The following BUD23 variants were observed in gnomAD, a reference collection of about 807,000 sequenced individuals.
The protein encoded by BUD23 is 18S rRNA (guanine-N(7))-methyltransferase.
Under a neutral mutation model 47.0 loss-of-function variants are expected in BUD23, and 34 were observed. That is an observed-to-expected ratio of 0.72 (90% CI 0.55 to 0.96). BUD23 has a LOEUF of 0.96. Among genes scored for constraint, BUD23 ranks in the 40% least tolerant of loss-of-function variants. The pLI is 0.00. For synonymous variants in BUD23, 124 were observed against 132.0 expected (o/e 0.94, Z 0.41); for missense variants, 343 against 361.2 (o/e 0.95, Z 0.41).
chr7:73,684,655 T>C (rs1797876508), intron 2 of BUD23, among the ~76,000 whole-genome samples: 1 of 147,044 alleles, frequency 6.8e-6, no homozygotes, highest in South Asian at 2.1e-4. Flanking sequence ...TGGCGCGGTG[T>C]CTCACGCCTG....
intron 2 of BUD23, among the ~76,000 whole-genome samples, chr7:73,685,165 G>A (rs782018923): frequency 1.3e-4 from 19 of 151,316 alleles, no homozygotes; most frequent in Non-Finnish European, 2.4e-4. Flanking sequence ...GATATTAGCC[G>A]GGCCTACGGG....
intron 5 of BUD23, among the ~76,000 whole-genome samples, chr7:73,688,217 G>C (rs547020069): frequency 3.9e-5 from 6 of 152,038 alleles, no homozygotes; most frequent in African/African-American, 1.4e-4. Context: ...ACATGGTGGT[G>C]GCCACCTGTA....
chr7:73,693,875 G>A (rs2293488), intron 9 of BUD23, 117 bp from the exon 10 acceptor site: 444,101 of 1,398,074 alleles, frequency 0.32, 74,336 homozygotes, highest in Non-Finnish European at 0.34. Flanking sequence ...GTTCCTTCTC[G>A]TGGGACTGGA....
intron 10 of BUD23, 146 bp from the exon 11 acceptor site, chr7:73,697,459 G>A (rs1554615024): frequency 1.3e-6 from 2 of 1,542,912 alleles, no homozygotes; most frequent in African/African-American, 2.7e-5. Context: ...GGGGAATTGT[G>A]TTATAGGGAA....
At position 73,686,641 on chromosome 7, in the gene BUD23, G is replaced by A. The variant is rs1554613020; in HGVS notation, c.92G>A (p.Arg31Gln). The A allele has an allele frequency of 2.5e-6, 4 of 1,614,054 alleles. No individual in the cohort carries two copies. The highest frequency in any genetic ancestry group is 1.7e-5 in the Admixed American group (1 of 60,014). ...TTGTGTTTCTGCCTTACCAGCTCAC[G>A]GATGATTGATATCCAGACCAGGATG... is the stretch of plus-strand genomic sequence containing the variant. Reference protein sequence around the residue: ...TEARKYVRNSRMIDIQTRMAG... With the variant: ...TEARKYVRNSQMIDIQTRMAG... The change falls in exon 3 of 12, where the codon CGG (arginine) becomes CAG (glutamine). Residue 31 changes from arginine (R) to glutamine (Q), a missense_variant. Arg to Gln is a conservative substitution (Grantham distance 43). Coordinates refer to ENST00000265758, the MANE Select transcript of BUD23 (RefSeq NM_017528.5).
At chr7:73,693,785 G>A (rs1584226122) in intron 9 of BUD23, 116 bp downstream of exon 9, 1 of 1,456,988 alleles carries the variant, frequency 6.9e-7, no homozygotes, top group Non-Finnish European at 9.6e-7. Context: ...CAGCCCCAGA[G>A]TGCAGACCCT....
At chr7:73,694,955 A>T (rs1451469348) in intron 10 of BUD23, 1 of 152,214 alleles carries the variant, frequency 6.6e-6, no homozygotes, top group Non-Finnish European at 1.5e-5. Flanking sequence ...CTCAGTGTCT[A>T]TACCTGGAGT....
intron 10 of BUD23, chr7:73,697,117 G>C (rs368699625): frequency 3.4e-5 from 11 of 325,206 alleles, no homozygotes; most frequent in South Asian, 2.6e-4. Flanking sequence ...AGGGGTCTTC[G>C]GGGTTACCCC....
At chr7:73,685,436 G>T (rs890731383) in intron 2 of BUD23, among the ~76,000 whole-genome samples, 1 of 152,210 alleles carries the variant, frequency 6.6e-6, no homozygotes, top group Non-Finnish European at 1.5e-5. Flanking sequence ...CCACCACACC[G>T]GCTGAAATAG....
intron 5 of BUD23, 107 bp downstream of exon 5, chr7:73,687,202 C>A (rs1798008652): frequency 1.7e-6 from 2 of 1,195,386 alleles, no homozygotes; most frequent in African/African-American, 1.5e-5. Flanking sequence ...GCAGCCTCCA[C>A]CTCCTGGGTT....
At position 73,698,062 on chromosome 7, in the gene BUD23, G is replaced by A. The variant is rs1410660692; in HGVS notation, c.*176G>A. The A allele has an allele frequency of 2.0e-6, 1 of 497,636 alleles. No individual in the cohort carries two copies. Among genetic ancestry groups the A allele is most frequent in the African/African-American group, 2.0e-5 (1 of 49,788 alleles). The allele number at this position is 497,636 out of a possible 1,614,324, so 30.8% of individuals were successfully genotyped here. ...TGTAATCCCAGCACCTTGGGAGGCT[G>A]AGGTGGGAGGATCATTTGAGGCCAG... is the stretch of plus-strand genomic sequence containing the variant. On this transcript the variant is annotated 3_prime_UTR_variant, in exon 12 of 12. Transcript: ENST00000265758.
intron 9 of BUD23, 43 bp from the exon 10 acceptor site, chr7:73,693,949 G>C (rs1230489126): frequency 1.2e-6 from 2 of 1,609,260 alleles, no homozygotes; most frequent in African/African-American, 1.3e-5. Flanking sequence ...CAGATGGTTT[G>C]AGAACTCTCC....
intron 5 of BUD23, among the ~76,000 whole-genome samples, chr7:73,690,024 T>C (rs1324242401): frequency 6.6e-6 from 1 of 152,038 alleles, no homozygotes; most frequent in African/African-American, 2.4e-5. Flanking sequence ...TTATTTATTT[T>C]TTGAGATGGA....
chr7:73,685,423 T>G (rs945547328), intron 2 of BUD23, among the ~76,000 whole-genome samples: 2 of 152,232 alleles, frequency 1.3e-5, no homozygotes, highest in South Asian at 4.1e-4. Flanking sequence ...CTAGAGGCAC[T>G]CGCCACCACA....
intron 6 of BUD23, among the ~76,000 whole-genome samples, chr7:73,691,639 G>T (rs782802598): frequency 3.9e-5 from 6 of 152,096 alleles, no homozygotes; most frequent in Non-Finnish European, 7.4e-5. Context: ...TTGCTTTGTT[G>T]CCTGGGATGG....
At position 73,683,639 on chromosome 7, in the gene BUD23, G is replaced by C; in HGVS notation, c.14G>C (p.Gly5Ala). The change falls in exon 1 of 12, where the codon GGC becomes GCC. Residue 5 changes from glycine (G) to alanine (A), a missense_variant. Transcript: ENST00000265758. MASR[G>A]RRPEHGGPPE... ...TGAGGCGTGAGAATGGCGTCCCGCG[G>C]CCGGCGTCCGGAGCATGGCGGACCC... The C allele has an allele frequency of 6.2e-7, 1 of 1,611,630 alleles. No homozygotes were observed. Among genetic ancestry groups the C allele is most frequent in the Non-Finnish European group, 8.5e-7 (1 of 1,179,280 alleles).
intron 10 of BUD23, chr7:73,694,264 C>A: frequency 1.9e-6 from 1 of 532,776 alleles, no homozygotes; most frequent in Non-Finnish European, 3.2e-6. Flanking sequence ...GCAGCCTGGA[C>A]TCCCTTTGTG....
At chr7:73,691,753 C>A (rs1187769592) in intron 6 of BUD23, among the ~76,000 whole-genome samples, 1 of 152,008 alleles carries the variant, frequency 6.6e-6, no homozygotes, top group Admixed American at 6.6e-5. Context: ...GCACACACCA[C>A]CATGCCAGGC....
chr7:73,685,736 G>A (rs1286236981), intron 2 of BUD23, among the ~76,000 whole-genome samples: 1 of 151,322 alleles, frequency 6.6e-6, no homozygotes, highest in Non-Finnish European at 1.5e-5. Context: ...ATTATATGTT[G>A]AAGTGATATT....
Sources: gnomAD v4.1 joint callset for allele counts (sites outside exome capture counted in the v4.1 genomes callset) on GRCh38, gnomAD v4.1.1 for gene constraint, MANE v1.5 for transcripts, NCBI Gene and HGNC (gene_info 2026-07-23, HGNC 2026-07-21) for gene names.